The following NKAIN3 variants were observed in gnomAD, a reference collection of about 807,000 sequenced individuals.
The protein encoded by NKAIN3 is sodium/potassium transporting ATPase interacting 3.
NKAIN3 carries 25 observed loss-of-function variants against 30.2 expected under a neutral mutation model. That is an observed-to-expected ratio of 0.83 (90% confidence interval 0.60 to 1.16). NKAIN3 has a LOEUF of 1.16. NKAIN3 is among the 50% of genes most tolerant of loss of function. The pLI, the probability that NKAIN3 is intolerant of heterozygous loss-of-function variation, is 0.00. For missense variants in NKAIN3, 225 were observed against 254.1 expected (o/e 0.89, Z 0.78); for synonymous variants, 91 against 89.6 (o/e 1.02, Z -0.09).
At chr8:62,828,971 C>T (rs1819112225) in intron 4 of NKAIN3, among the ~76,000 whole-genome samples, 1 of 152,132 alleles carries the variant, frequency 6.6e-6, no homozygotes, top group African/African-American at 2.4e-5. Flanking sequence ...TGAGACATCC[C>T]ACCAAGCACT....
chr8:62,946,198 T>C (rs900945758), intron 5 of NKAIN3, among the ~76,000 whole-genome samples: 1 of 152,164 alleles, frequency 6.6e-6, no homozygotes, highest in African/African-American at 2.4e-5. Flanking sequence ...CTTGGACATC[T>C]CTTCGGGATC....
At chr8:62,615,264 C>T (rs1406891197) in intron 3 of NKAIN3, among the ~76,000 whole-genome samples, 1 of 152,056 alleles carries the variant, frequency 6.6e-6, no homozygotes, top group Non-Finnish European at 1.5e-5. Flanking sequence ...ACAGGGTGTG[C>T]CTAGGAATGT....
chr8:62,823,700 T>C (rs976151497), intron 4 of NKAIN3, among the ~76,000 whole-genome samples: 1 of 152,222 alleles, frequency 6.6e-6, no homozygotes, highest in Admixed American at 6.5e-5. Flanking sequence ...TCCACCTTTA[T>C]AATCGCTGGA....
At chr8:62,521,709 T>A (rs979277999) in intron 1 of NKAIN3, among the ~76,000 whole-genome samples, 5 of 152,124 alleles carry the variant, frequency 3.3e-5, no homozygotes, top group Non-Finnish European at 7.4e-5. Context: ...TCTACAATAT[T>A]GTTTCCCATT....
At chr8:62,641,234 G>T (rs1157775579) in intron 3 of NKAIN3, among the ~76,000 whole-genome samples, 1 of 152,054 alleles carries the variant, frequency 6.6e-6, no homozygotes, top group East Asian at 1.9e-4. Context: ...CCCAAATACA[G>T]TTATGTAATT....
chr8:62,386,771 A>G (rs9298064), intron 1 of NKAIN3, among the ~76,000 whole-genome samples: 63,796 of 151,944 alleles, frequency 0.42, 15,653 homozygotes, highest in Non-Finnish European at 0.54. Context: ...CGTGTAATCT[A>G]TGGCCATGAG....
At chr8:62,954,772 T>C (rs923700025) in intron 6 of NKAIN3, among the ~76,000 whole-genome samples, 1 of 152,226 alleles carries the variant, frequency 6.6e-6, no homozygotes, top group African/African-American at 2.4e-5. Flanking sequence ...AACACTGCAA[T>C]GTGCTAATTA....
intron 3 of NKAIN3, among the ~76,000 whole-genome samples, chr8:62,607,776 C>T (rs1811171307): frequency 6.6e-6 from 1 of 151,996 alleles, no homozygotes; most frequent in Non-Finnish European, 1.5e-5. Context: ...TGAAGGATGA[C>T]TGCTATTGAA....
At chr8:62,943,722 TA>T (rs942941492) in intron 5 of NKAIN3, among the ~76,000 whole-genome samples, 4 of 148,430 alleles carry the variant, frequency 2.7e-5, no homozygotes, top group African/African-American at 9.8e-5. Flanking sequence ...GAAAATTTTT[TA>T]AAATGTATAT....
At chr8:62,575,678 C>A (rs572161555) in intron 1 of NKAIN3, among the ~76,000 whole-genome samples, 31 of 152,108 alleles carry the variant, frequency 2.0e-4, no homozygotes, top group African/African-American at 6.7e-4. Flanking sequence ...ACAAAAATAA[C>A]AAAATTGGAG....
chr8:62,823,812 G>A (rs563106918), intron 4 of NKAIN3, among the ~76,000 whole-genome samples: 4 of 152,208 alleles, frequency 2.6e-5, no homozygotes, highest in African/African-American at 9.6e-5. Context: ...TGTCATTCAG[G>A]CTCAAGGTAG....
intron 3 of NKAIN3, among the ~76,000 whole-genome samples, chr8:62,731,015 G>A (rs1815446128): frequency 6.6e-6 from 1 of 152,032 alleles, no homozygotes; most frequent in South Asian, 2.1e-4. Context: ...TCCTTTCAAT[G>A]TGACTCAAGA....
intron 3 of NKAIN3, among the ~76,000 whole-genome samples, chr8:62,703,007 G>A (rs1009072010): frequency 6.6e-5 from 10 of 152,064 alleles, no homozygotes; most frequent in African/African-American, 2.2e-4. Flanking sequence ...GATCGCCTCC[G>A]TTTACACCCA....
chr8:62,392,311 A>G (rs1267173461), intron 1 of NKAIN3, among the ~76,000 whole-genome samples: 2 of 152,046 alleles, frequency 1.3e-5, no homozygotes, highest in Non-Finnish European at 2.9e-5. Context: ...CATAAAGAGC[A>G]TTTTGGTAAC....
At chr8:62,920,954 C>G (rs1822257967) in intron 5 of NKAIN3, among the ~76,000 whole-genome samples, 1 of 152,170 alleles carries the variant, frequency 6.6e-6, no homozygotes, top group African/African-American at 2.4e-5. Flanking sequence ...AGGTAGGAAA[C>G]AAAAGTGCAG....
intron 1 of NKAIN3, among the ~76,000 whole-genome samples, chr8:62,540,538 A>C (rs1414435760): frequency 6.6e-6 from 1 of 152,118 alleles, no homozygotes; most frequent in East Asian, 1.9e-4. Flanking sequence ...TCTACTCCAT[A>C]GTATAAATTG....
intron 4 of NKAIN3, among the ~76,000 whole-genome samples, chr8:62,835,797 C>T (rs1819343044): frequency 1.3e-5 from 2 of 151,810 alleles, no homozygotes; most frequent in Non-Finnish European, 1.5e-5. Flanking sequence ...TCTCACAGAA[C>T]TTAGAACTAC....
intron 6 of NKAIN3, among the ~76,000 whole-genome samples, chr8:62,964,099 TA>T (rs1823640638): frequency 6.6e-6 from 1 of 152,122 alleles, no homozygotes; most frequent in African/African-American, 2.4e-5. Context: ...GTAAAGTAAT[TA>T]ATCATGAGGC....
At chr8:62,818,476 A>G (rs1001857516) in intron 4 of NKAIN3, among the ~76,000 whole-genome samples, 2 of 152,050 alleles carry the variant, frequency 1.3e-5, no homozygotes, top group Non-Finnish European at 2.9e-5. Context: ...ATTAAATTTT[A>G]TTTTATCTCC....
Sources: gnomAD v4.1 joint callset for allele counts (sites outside exome capture counted in the v4.1 genomes callset) on GRCh38, gnomAD v4.1.1 for gene constraint, MANE v1.5 for transcripts, NCBI Gene and HGNC (gene_info 2026-07-23, HGNC 2026-07-21) for gene names.